The following SGMS1 variants were observed in gnomAD, a reference collection of about 807,000 sequenced individuals.
The protein encoded by SGMS1 is sphingomyelin synthase 1, also known as phosphatidylcholine:ceramide cholinephosphotransferase 1.
Under a neutral mutation model 46.2 loss-of-function variants are expected in SGMS1, and 13 were observed. That is an observed-to-expected ratio of 0.28 (90% confidence interval 0.18 to 0.45). The LOEUF is 0.45. Ranked by LOEUF, SGMS1 falls within the 20% of genes least tolerant of loss-of-function variation. The probability of loss-of-function intolerance (pLI) is 1.00; values close to 1 mark genes in which losing one functional copy is unlikely to be tolerated. For synonymous variants in SGMS1, 203 were observed against 187.8 expected, an observed-to-expected ratio of 1.08 and a Z score of -0.66; for missense variants, 324 against 519.9, an observed-to-expected ratio of 0.62 and a Z score of 3.66.
intron 7 of SGMS1, among the ~76,000 whole-genome samples, chr10:50,331,593 T>C (rs1177398826): frequency 6.6e-6 from 1 of 152,224 alleles, no homozygotes; most frequent in African/African-American, 2.4e-5. Context: ...AAATCAGTCA[T>C]CCTGAAATGT....
chr10:50,537,207 C>T (rs1217316013), intron 2 of SGMS1, among the ~76,000 whole-genome samples: 2 of 152,064 alleles, frequency 1.3e-5, no homozygotes, highest in African/African-American at 2.4e-5. Flanking sequence ...TTAGTTCAAA[C>T]CTTTGTTTTT....
At chr10:50,367,477 G>A (rs1177868574) in intron 6 of SGMS1, among the ~76,000 whole-genome samples, 1 of 152,156 alleles carries the variant, frequency 6.6e-6, no homozygotes, top group Non-Finnish European at 1.5e-5. Flanking sequence ...CGCCATGACA[G>A]CACCACTTGC....
At chr10:50,532,608 T>C (rs925884549) in intron 2 of SGMS1, among the ~76,000 whole-genome samples, 14 of 152,188 alleles carry the variant, frequency 9.2e-5, no homozygotes, top group Non-Finnish European at 1.9e-4. Flanking sequence ...TCCAAGAACC[T>C]ATCGATGACA....
chr10:50,482,624 G>A (rs1240273384), intron 3 of SGMS1, among the ~76,000 whole-genome samples: 1 of 152,112 alleles, frequency 6.6e-6, no homozygotes, highest in East Asian at 1.9e-4. Context: ...ACACTATGAA[G>A]CAACTACATT....
intron 2 of SGMS1, among the ~76,000 whole-genome samples, chr10:50,541,059 C>A (rs528608184): frequency 9.8e-5 from 15 of 152,288 alleles, no homozygotes; most frequent in African/African-American, 3.1e-4. Context: ...GCTTCAGATA[C>A]ATTCAATTAG....
At chr10:50,511,023 T>C (rs1157058804) in intron 3 of SGMS1, among the ~76,000 whole-genome samples, 2 of 152,188 alleles carry the variant, frequency 1.3e-5, no homozygotes, top group African/African-American at 4.8e-5. Context: ...TTTGACCTTT[T>C]CCCTTACCAC....
At chr10:50,566,950 G>A (rs900085361) in intron 2 of SGMS1, among the ~76,000 whole-genome samples, 3 of 151,648 alleles carry the variant, frequency 2.0e-5, no homozygotes, top group Non-Finnish European at 4.4e-5. Flanking sequence ...TGTTGTTGTC[G>A]TTGTTGTTGT....
At chr10:50,352,383 C>G (rs557928337) in intron 6 of SGMS1, among the ~76,000 whole-genome samples, 41 of 152,302 alleles carry the variant, frequency 2.7e-4, no homozygotes, top group Non-Finnish European at 4.7e-4. Context: ...AGAACTGCCA[C>G]CATCCCCAGA....
In SGMS1 at chr10:50,594,048, CA is replaced by C. The variant is rs376825286; in HGVS notation, c.-683-3802del. 4.7e-3 allele frequency among the ~76,000 whole-genome samples: 721 copies of C among 152,282 alleles called. 3 individuals are homozygous for C. The highest frequency in any genetic ancestry group is 0.016 in the African/African-American group (685 of 41,550). ...AATTGTTTTCCAAAGTGGTTGTGTA[CA>C]ATTGACTCTTTAGCCGCCTTTCCAG... On this transcript the variant is annotated intron_variant, in intron 1 of 10. Transcript: ENST00000361781.
At chr10:50,411,997 C>T (rs1476152366) in intron 6 of SGMS1, among the ~76,000 whole-genome samples, 3 of 152,158 alleles carry the variant, frequency 2.0e-5, no homozygotes, top group East Asian at 1.9e-4. Context: ...TTCATCTGTG[C>T]GCCAGTCACA....
At chr10:50,614,752 TA>T (rs1172913551) in intron 1 of SGMS1, among the ~76,000 whole-genome samples, 1 of 152,262 alleles carries the variant, frequency 6.6e-6, no homozygotes, top group African/African-American at 2.4e-5. Flanking sequence ...ACGCTTTATG[TA>T]AAGGTACTGG....
intron 8 of SGMS1, among the ~76,000 whole-genome samples, chr10:50,317,030 C>A (rs1296635034): frequency 6.6e-6 from 1 of 152,176 alleles, no homozygotes; most frequent in Non-Finnish European, 1.5e-5. Flanking sequence ...TGCTCATGAA[C>A]AGAAAATTCA....
intron 6 of SGMS1, among the ~76,000 whole-genome samples, chr10:50,386,509 A>G (rs1848684636): frequency 6.6e-6 from 1 of 152,180 alleles, no homozygotes; most frequent in Non-Finnish European, 1.5e-5. Flanking sequence ...ACAGCTTCCT[A>G]TGTCCTCTCA....
At chr10:50,387,127 C>T (rs1346933730) in intron 6 of SGMS1, among the ~76,000 whole-genome samples, 1 of 152,146 alleles carries the variant, frequency 6.6e-6, no homozygotes, top group African/African-American at 2.4e-5. Context: ...GGGATACCAT[C>T]GATGATGCTG....
rs992887997 is a variant in SGMS1 at position 50,343,295 on chromosome 10, A to C, written c.623+197T>G. The C allele has an allele frequency of 1.3e-5, 7 of 542,366 alleles. No homozygotes were observed. In the African/African-American group the frequency reaches 1.3e-4, roughly 10 times the overall value. The allele number at this position is 542,366 out of a possible 1,614,324, so 33.6% of individuals were successfully genotyped here. A position where few individuals can be genotyped will look rare whatever the true frequency, so the allele number is the denominator to read the frequency against. On this transcript the variant is annotated intron_variant, in intron 7 of 10. Transcript: ENST00000361781. ...TCATCATCCTGTATGAATCTTGCAT[A>C]AAACAGGCAACAAACAACATTTTCT...
At chr10:50,486,041 C>A (rs1837518464) in intron 3 of SGMS1, among the ~76,000 whole-genome samples, 1 of 152,120 alleles carries the variant, frequency 6.6e-6, no homozygotes, top group Non-Finnish European at 1.5e-5. Flanking sequence ...TCATTTTTGA[C>A]AAACCTGACA....
chr10:50,610,060 A>G (rs1427011931), intron 1 of SGMS1, among the ~76,000 whole-genome samples: 21 of 152,122 alleles, frequency 1.4e-4, no homozygotes, highest in Admixed American at 1.4e-3. Flanking sequence ...GAAGACAGAA[A>G]CACATTGTAG....
At chr10:50,318,862 TA>T (rs963626770) in intron 8 of SGMS1, among the ~76,000 whole-genome samples, 23 of 152,266 alleles carry the variant, frequency 1.5e-4, no homozygotes, top group African/African-American at 3.9e-4. Flanking sequence ...GTTTTAGGGA[TA>T]GGGGGTGTCT....
chr10:50,408,360 T>G (rs909559577), intron 6 of SGMS1, among the ~76,000 whole-genome samples: 1 of 141,902 alleles, frequency 7.0e-6, no homozygotes, highest in Non-Finnish European at 1.5e-5. Flanking sequence ...CCCAATACTC[T>G]GGGAGGCAAA....
Sources: gnomAD v4.1 joint callset for allele counts (sites outside exome capture counted in the v4.1 genomes callset) on GRCh38, gnomAD v4.1.1 for gene constraint, MANE v1.5 for transcripts, NCBI Gene and HGNC (gene_info 2026-07-23, HGNC 2026-07-21) for gene names.